Variants in LRCH2 observed in about 807,000 individuals in gnomAD.
LRCH2 encodes leucine-rich repeat and calponin homology domain-containing protein 2.
A neutral mutation model predicts 68.9 loss-of-function variants in LRCH2; 38 were observed. That is an observed-to-expected ratio of 0.55 (90% CI 0.43 to 0.72). The LOEUF is 0.72. Ranked by LOEUF, LRCH2 falls within the 30% of genes least tolerant of loss-of-function variation. The pLI, the probability that LRCH2 is intolerant of heterozygous loss-of-function variation, is 0.00. For synonymous variants in LRCH2, 191 were observed against 208.1 expected (o/e 0.92, Z 0.71); for missense variants, 528 against 572.9 (o/e 0.92, Z 0.80).
chrX:115,174,597 C>G (rs782617432), intron 5 of LRCH2, among the ~76,000 whole-genome samples: 1 of 97,782 alleles, frequency 1.0e-5, no homozygotes, highest in South Asian at 4.9e-4. Flanking sequence ...ACACACCCCC[C>G]CCCCCACACA....
intron 1 of LRCH2, among the ~76,000 whole-genome samples, chrX:115,206,504 T>G (rs1231723171): frequency 8.9e-6 from 1 of 112,583 alleles, no homozygotes; most frequent in African/African-American, 3.2e-5. Flanking sequence ...GCATGAGCGA[T>G]CTGTGCCTGA....
At chrX:115,113,969 C>T (rs1362727958) in intron 20 of LRCH2, among the ~76,000 whole-genome samples, 1 of 110,966 alleles carries the variant, frequency 9.0e-6, no homozygotes, top group Non-Finnish European at 1.9e-5. Context: ...TTGGTATTCT[C>T]ATCTATTTCT....
chrX:115,201,162 G>A (rs1569516605), intron 1 of LRCH2, among the ~76,000 whole-genome samples: 2 of 110,652 alleles, frequency 1.8e-5, no homozygotes, highest in African/African-American at 3.3e-5. Flanking sequence ...ACCATCAGAT[G>A]TCATGAGACT....
At chrX:115,134,453 A>G (rs782307859) in intron 14 of LRCH2, among the ~76,000 whole-genome samples, 2 of 112,433 alleles carry the variant, frequency 1.8e-5, no homozygotes, top group Non-Finnish European at 3.8e-5. Context: ...CAAAGCTTCA[A>G]AGAACAGGCT....
intron 1 of LRCH2, among the ~76,000 whole-genome samples, chrX:115,205,963 G>T (rs1488722197): frequency 7.5e-5 from 8 of 106,514 alleles, no homozygotes; most frequent in Admixed American, 1.0e-4. Flanking sequence ...AAAAAAAAAT[G>T]AAATAAAAAG....
chrX:115,190,760 C>T (rs56309245), intron 1 of LRCH2: 1 of 1,153,941 alleles, frequency 8.7e-7, no homozygotes. Context: ...GGCCGCTCCA[C>T]TGATGCCCAC....
Position 115,233,771 on chromosome X carries a change from C to G in LRCH2, c.271G>C (p.Gly91Arg). The G allele has an allele frequency of 8.5e-7, 1 of 1,176,483 alleles. No individual in the cohort carries two copies. The highest frequency in any genetic ancestry group is 1.1e-6 in the Non-Finnish European group (1 of 877,093). Residue 91 changes from glycine (G) to arginine (R), a missense_variant, in exon 1 of 21, where the codon GGC becomes CGC. Gly to Arg is a moderately radical substitution (Grantham distance 125). Transcript: ENST00000317135. ...DRALEEAGSSGILSLSGRKLR... is the reference protein window; with the variant it reads ...DRALEEAGSSRILSLSGRKLR... ...TTCCGACCACTGAGGCTCAGGATGC[C>G]GGAGCTGCCCGCCTCTTCCAGGGCC...
chrX:115,172,065 T>C (rs2072608606), intron 5 of LRCH2, among the ~76,000 whole-genome samples: 1 of 111,477 alleles, frequency 9.0e-6, no homozygotes, highest in Non-Finnish European at 1.9e-5. Context: ...TATTTATTAA[T>C]AACATGCTTC....
chrX:115,211,767 C>G (rs782542654), intron 1 of LRCH2, among the ~76,000 whole-genome samples: 13 of 111,157 alleles, frequency 1.2e-4, no homozygotes, highest in Admixed American at 2.9e-4. Context: ...ACACACCCCC[C>G]CAAGATTGCT....
At chrX:115,208,898 C>T (rs1179070543) in intron 1 of LRCH2, among the ~76,000 whole-genome samples, 1 of 111,642 alleles carries the variant, frequency 9.0e-6, no homozygotes, top group Non-Finnish European at 1.9e-5. Context: ...AATGCCATCA[C>T]GTGTATCCTT....
chrX:115,126,884 C>G lies in LRCH2; in HGVS notation c.1750G>C (p.Asp584His). ...SGNENDEQDS[D>H]NANMSTQSPV... The stretch of plus-strand genomic sequence containing the variant: ...GATTGTGTTGACATATTAGCATTAT[C>G]ACTGTCTTGCTAAAACATAAAAATA... Residue 584 changes from aspartate to histidine, a missense_variant, in exon 16 of 21, where the codon GAT (aspartate) becomes CAT (histidine). Transcript: ENST00000317135. 9.6e-7 allele frequency: 1 copy of G among 1,043,040 alleles called. No homozygotes were observed. Among genetic ancestry groups the G allele is most frequent in the South Asian group, 2.4e-5 (1 of 41,595 alleles). 86.0% of individuals were successfully genotyped at this position (1,043,040 alleles called of 1,213,427 possible). A position where few individuals can be genotyped will look rare whatever the true frequency, so the allele number is the denominator to read the frequency against.
At chrX:115,150,188 CA>C in intron 12 of LRCH2, 118 bp from the exon 13 acceptor site, 1 of 555,154 alleles carries the variant, frequency 1.8e-6, no homozygotes. Context: ...CCCATGTCTA[CA>C]CTTTGGCCTA....
In LRCH2 at chrX:115,200,145, G is replaced by T. The variant is rs1603088980; in HGVS notation, c.350-11775C>A. ...CCTGTGGGATATAGCAAAAGCAGTGGTAAGAGGGAAATTTGTAGCATTAAA... is the reference window on the plus strand; with the variant it reads ...CCTGTGGGATATAGCAAAAGCAGTGTTAAGAGGGAAATTTGTAGCATTAAA... On this transcript the variant is annotated intron_variant, in intron 1 of 20. Transcript: ENST00000317135. Among the ~76,000 whole-genome samples the T allele has an allele frequency of 2.7e-5, 3 of 111,280 alleles. No homozygotes were observed. In the East Asian group the frequency reaches 8.5e-4, roughly 32 times the overall value.
In LRCH2 at chrX:115,190,482, G is replaced by A. The variant is rs782214154; in HGVS notation, c.350-2112C>T. ...CCTGCAGTGAAGGCCGCTCGTCCGA[G>A]GCCTTGCCAGTCGTCTTGCCAGACG... On this transcript the variant is annotated intron_variant, in intron 1 of 20. Transcript: ENST00000317135. 49 of 1,166,045 alleles carry A rather than the reference G, an allele frequency of 4.2e-5. No individual in the cohort carries two copies. In the South Asian group the frequency reaches 8.9e-4, roughly 21 times the overall value.
chrX:115,208,734 T>C (rs1482930691), intron 1 of LRCH2, among the ~76,000 whole-genome samples: 1 of 112,260 alleles, frequency 8.9e-6, no homozygotes, highest in East Asian at 2.8e-4. Flanking sequence ...TCTTATCTTA[T>C]TCAGTGTATA....
intron 14 of LRCH2, among the ~76,000 whole-genome samples, chrX:115,132,550 A>G (rs1290421447): frequency 8.9e-6 from 1 of 112,026 alleles, no homozygotes; most frequent in Non-Finnish European, 1.9e-5. Flanking sequence ...AACCAACCTG[A>G]TATCTCAGCC....
At chrX:115,131,787 T>A (rs1220715801) in intron 14 of LRCH2, among the ~76,000 whole-genome samples, 6 of 112,007 alleles carry the variant, frequency 5.4e-5, no homozygotes, top group Non-Finnish European at 1.1e-4. Context: ...GACTTTTTAA[T>A]GATCGCCATT....
At position 115,115,531 on chromosome X, in the gene LRCH2, T is replaced by C. The variant is rs782354158; in HGVS notation, c.2179-2196A>G. Reference sequence around the variant, plus strand: ...AGAATGAATTTGGATCCGTACCTCATACCATGCACAAAACTGATCTCAAAA... The same window carrying C: ...AGAATGAATTTGGATCCGTACCTCACACCATGCACAAAACTGATCTCAAAA... On this transcript the variant is annotated intron_variant, in intron 20 of 20. Transcript: ENST00000317135. 1.4e-4 allele frequency among the ~76,000 whole-genome samples: 15 copies of C among 110,695 alleles called. No homozygotes were observed. In the South Asian group the frequency reaches 5.7e-3, roughly 42 times the overall value.
intron 14 of LRCH2, among the ~76,000 whole-genome samples, chrX:115,131,823 T>C (rs193242587): frequency 5.3e-5 from 6 of 112,217 alleles, no homozygotes; most frequent in Admixed American, 1.9e-4. Context: ...TGGTATCTCA[T>C]TGTGGCTTTG....
Sources: gnomAD v4.1 joint callset for allele counts (sites outside exome capture counted in the v4.1 genomes callset) on GRCh38, gnomAD v4.1.1 for gene constraint, MANE v1.5 for transcripts, NCBI Gene and HGNC (gene_info 2026-07-23, HGNC 2026-07-21) for gene names.